Variants in FAM13C observed in about 807,000 individuals in gnomAD.
The protein encoded by FAM13C is family with sequence similarity 13 member C.
In FAM13C, 37 loss-of-function variants were observed where a neutral mutation model predicts 73.2. The ratio of observed to expected loss-of-function variants is 0.51; its 90% CI spans 0.39 to 0.67. FAM13C has a LOEUF of 0.67. FAM13C is among the 30% of genes least tolerant of loss of function. The pLI, the probability that FAM13C is intolerant of heterozygous loss-of-function variation, is 0.00. For missense variants in FAM13C, 589 were observed against 715.6 expected, an observed-to-expected ratio of 0.82 and a Z score of 2.02; for synonymous variants, 246 against 260.9, an observed-to-expected ratio of 0.94 and a Z score of 0.55.
At chr10:59,265,335 G>GGGGGGA (rs78422182) in intron 8 of FAM13C, among the ~76,000 whole-genome samples, 562 of 15,954 alleles carry the variant, frequency 0.035, 78 homozygotes, top group Non-Finnish European at 0.041. Flanking sequence ...GGGGGGGGGG[G>GGGGGGA]AATCCTGGTT....
intron 3 of FAM13C, among the ~76,000 whole-genome samples, chr10:59,331,010 G>T (rs1325200443): frequency 2.0e-5 from 3 of 152,046 alleles, no homozygotes; most frequent in Non-Finnish European, 4.4e-5. Context: ...CAGCTTTATG[G>T]GATTCTTGGT....
chr10:59,300,166 C>T (rs187747201), intron 5 of FAM13C, among the ~76,000 whole-genome samples: 8 of 152,294 alleles, frequency 5.3e-5, no homozygotes, highest in Admixed American at 5.2e-4. Context: ...GCTCTGGAAT[C>T]AAGCTGAGCC....
At chr10:59,257,203 T>G (rs1248412618) in intron 10 of FAM13C, among the ~76,000 whole-genome samples, 2 of 152,202 alleles carry the variant, frequency 1.3e-5, no homozygotes, top group East Asian at 3.9e-4. Context: ...CAATTTGATA[T>G]GATTTGTTTA....
At chr10:59,279,637 C>G (rs958882429) in intron 6 of FAM13C, among the ~76,000 whole-genome samples, 2 of 152,166 alleles carry the variant, frequency 1.3e-5, no homozygotes, top group Non-Finnish European at 2.9e-5. Context: ...CTTCTCCACA[C>G]TCTAAAATCA....
At chr10:59,269,575 A>AAAG (rs1246330748) in intron 7 of FAM13C, among the ~76,000 whole-genome samples, 4 of 152,198 alleles carry the variant, frequency 2.6e-5, no homozygotes, top group African/African-American at 9.6e-5. Context: ...CATGGAAAGA[A>AAAG]TATTGAGTTC....
chr10:59,285,155 G>T (rs1845402008), intron 5 of FAM13C, among the ~76,000 whole-genome samples: 1 of 152,196 alleles, frequency 6.6e-6, no homozygotes, highest in Non-Finnish European at 1.5e-5. Flanking sequence ...CTGGAGATGG[G>T]GTGGGACCCG....
intron 4 of FAM13C, among the ~76,000 whole-genome samples, chr10:59,303,898 C>T (rs1847906913): frequency 6.6e-6 from 1 of 152,030 alleles, no homozygotes; most frequent in South Asian, 2.1e-4. Context: ...GCCTGTAATC[C>T]CAGCACTTTG....
intron 4 of FAM13C, among the ~76,000 whole-genome samples, chr10:59,306,806 G>A (rs938600114): frequency 3.9e-5 from 6 of 152,162 alleles, no homozygotes; most frequent in East Asian, 1.9e-4. Context: ...ACCGGGAGGC[G>A]GAGTTTGCAG....
intron 6 of FAM13C, among the ~76,000 whole-genome samples, chr10:59,281,710 A>G (rs1844940225): frequency 6.6e-6 from 1 of 152,220 alleles, no homozygotes; most frequent in Non-Finnish European, 1.5e-5. Flanking sequence ...GCTTGTACAA[A>G]ATCTTGCCCA....
intron 3 of FAM13C, among the ~76,000 whole-genome samples, chr10:59,333,740 A>C (rs1852331602): frequency 6.6e-6 from 1 of 152,210 alleles, no homozygotes; most frequent in South Asian, 2.1e-4. Context: ...GCAAGAATCA[A>C]ATTATTTTTC....
At chr10:59,330,157 C>T (rs187320262) in intron 3 of FAM13C, among the ~76,000 whole-genome samples, 4 of 152,206 alleles carry the variant, frequency 2.6e-5, no homozygotes, top group South Asian at 4.1e-4. Context: ...TGCATTAATT[C>T]GAGTTGTTTG....
intron 9 of FAM13C, among the ~76,000 whole-genome samples, chr10:59,263,117 G>A (rs1187132112): frequency 1.3e-5 from 2 of 152,202 alleles, no homozygotes; most frequent in Admixed American, 6.5e-5. Flanking sequence ...GGGTAGATGG[G>A]AGTGTCAGCC....
chr10:59,350,370 G>C (rs1854878222), intron 3 of FAM13C, among the ~76,000 whole-genome samples: 1 of 152,220 alleles, frequency 6.6e-6, no homozygotes, highest in South Asian at 2.1e-4. Flanking sequence ...AAAGAGGGTA[G>C]TCTGAGGAGA....
chr10:59,248,792 A>G (rs565063236), intron 13 of FAM13C, among the ~76,000 whole-genome samples: 2 of 152,348 alleles, frequency 1.3e-5, no homozygotes, highest in South Asian at 4.1e-4. Flanking sequence ...ATAAAAAACA[A>G]GCTAATCTAT....
chr10:59,299,696 G>T (rs115891324), intron 5 of FAM13C, among the ~76,000 whole-genome samples: 1,738 of 152,082 alleles, frequency 0.011, 27 homozygotes, highest in African/African-American at 0.039. Context: ...TACATGGACT[G>T]GCAGACTGAC....
At chr10:59,330,518 A>G (rs1462028316) in intron 3 of FAM13C, among the ~76,000 whole-genome samples, 1 of 152,198 alleles carries the variant, frequency 6.6e-6, no homozygotes, top group African/African-American at 2.4e-5. Context: ...CATGTGGGTT[A>G]AAGGACTCAG....
chr10:59,292,194 T>C (rs572574896), intron 5 of FAM13C, among the ~76,000 whole-genome samples: 1 of 152,340 alleles, frequency 6.6e-6, no homozygotes, highest in East Asian at 1.9e-4. Context: ...TGAACTTCAA[T>C]AGTTTCTCAA....
intron 5 of FAM13C, among the ~76,000 whole-genome samples, chr10:59,302,390 C>G (rs951455123): frequency 1.3e-5 from 2 of 152,170 alleles, no homozygotes; most frequent in African/African-American, 4.8e-5. Flanking sequence ...TAAACTATAT[C>G]ATTCTTAGTG....
intron 10 of FAM13C, among the ~76,000 whole-genome samples, chr10:59,261,655 T>C (rs1174450117): frequency 2.0e-5 from 3 of 151,988 alleles, no homozygotes; most frequent in African/African-American, 7.3e-5. Flanking sequence ...GCCTACAAGA[T>C]AGTTAGAGCT....
Sources: gnomAD v4.1 joint callset for allele counts (sites outside exome capture counted in the v4.1 genomes callset) on GRCh38, gnomAD v4.1.1 for gene constraint, MANE v1.5 for transcripts, NCBI Gene and HGNC (gene_info 2026-07-23, HGNC 2026-07-21) for gene names.